The following RPS6KB1 variants were observed in gnomAD, a reference collection of about 807,000 sequenced individuals.
The protein encoded by RPS6KB1 is ribosomal protein S6 kinase beta-1.
Under a neutral mutation model 70.2 loss-of-function variants are expected in RPS6KB1, and 12 were observed. The observed-to-expected ratio is 0.17, with a 90% confidence interval of 0.11 to 0.28. The LOEUF is 0.28. Ranked by LOEUF, RPS6KB1 falls within the 10% of genes least tolerant of loss-of-function variation. The pLI is 1.00. For missense variants in RPS6KB1, 270 were observed against 646.6 expected, an observed-to-expected ratio of 0.42 and a Z score of 6.32; for synonymous variants, 175 against 211.2, an observed-to-expected ratio of 0.83 and a Z score of 1.49.
intron 1 of RPS6KB1, among the ~76,000 whole-genome samples, chr17:59,896,026 T>G (rs1266044093): frequency 1.3e-5 from 2 of 152,190 alleles, no homozygotes; most frequent in Non-Finnish European, 2.9e-5. Flanking sequence ...GAAACAAATA[T>G]GAGATTACTT....
In RPS6KB1 at chr17:59,893,408, C is replaced by T. The variant is rs1402239897; in HGVS notation, c.141+83C>T. 2.9e-6 allele frequency: 4 copies of T among 1,398,250 alleles called. No individual in the cohort carries two copies. In the African/African-American group the frequency reaches 5.7e-5, roughly 20 times the overall value. The allele number at this position is 1,398,250 out of a possible 1,614,324, so 86.6% of individuals were successfully genotyped here. A position where few individuals can be genotyped will look rare whatever the true frequency, so the allele number is the denominator to read the frequency against. On this transcript the variant is annotated intron_variant, in intron 1 of 14. Transcript: ENST00000225577. The surrounding 1 kb of genome is among the most constrained non-coding windows in gnomAD (Gnocchi z 4.1). ...TCAGGAAGCGCGGTGTGTCCTAGAG[C>T]GTGGAGACCCAGGGGGGCTCCTGAG...
chr17:59,900,978 A>G (rs528906222), intron 1 of RPS6KB1, among the ~76,000 whole-genome samples: 85 of 151,692 alleles, frequency 5.6e-4, no homozygotes, highest in African/African-American at 2.0e-3. Flanking sequence ...CCTGGCCAAC[A>G]TGGTAAAATC....
At chr17:59,929,984 A>G in intron 5 of RPS6KB1, 133 bp from the exon 6 acceptor site, 1 of 597,500 alleles carries the variant, frequency 1.7e-6, no homozygotes, top group Non-Finnish European at 3.0e-6. Context: ...TATAATTTTT[A>G]GGATCTGTTT....
At chr17:59,923,433 T>G (rs2043398862) in intron 4 of RPS6KB1, among the ~76,000 whole-genome samples, 1 of 152,154 alleles carries the variant, frequency 6.6e-6, no homozygotes, top group South Asian at 2.1e-4. Context: ...AACATGGTGA[T>G]CCGCCTGCCT....
intron 7 of RPS6KB1, among the ~76,000 whole-genome samples, chr17:59,932,563 T>TC (rs936361963): frequency 6.6e-6 from 1 of 151,036 alleles, no homozygotes; most frequent in African/African-American, 2.4e-5. Context: ...TTTTTTTTTT[T>TC]TTTTTGAGAT....
intron 1 of RPS6KB1, among the ~76,000 whole-genome samples, chr17:59,895,123 C>T (rs1256177593): frequency 2.6e-5 from 4 of 151,528 alleles, no homozygotes; most frequent in Admixed American, 6.6e-5. Context: ...TGGGTTCAAG[C>T]GATTCTCCTG....
intron 1 of RPS6KB1, among the ~76,000 whole-genome samples, chr17:59,906,646 G>A (rs908306165): frequency 4.6e-5 from 7 of 151,842 alleles, no homozygotes; most frequent in African/African-American, 1.7e-4. Context: ...ACAGGTGTGA[G>A]CCACCACACC....
chr17:59,907,826 A>T (rs1196079393), intron 1 of RPS6KB1, among the ~76,000 whole-genome samples: 1 of 151,964 alleles, frequency 6.6e-6, no homozygotes, highest in Non-Finnish European at 1.5e-5. Context: ...CGTGCCATAA[A>T]TTTTTTTCTA....
intron 7 of RPS6KB1, among the ~76,000 whole-genome samples, chr17:59,933,592 G>GT (rs1359405775): frequency 6.6e-6 from 1 of 152,134 alleles, no homozygotes; most frequent in Non-Finnish European, 1.5e-5. Flanking sequence ...GTGTAAGGTG[G>GT]TAAGTTTTTT....
Position 59,893,938 on chromosome 17 carries a change from C to CTT in RPS6KB1, c.141+624_141+625dup, listed in dbSNP as rs11427947. ...CAATCTTCCAGGGTTTGTTTGTTTG[C>CTT]TTTTTTTTTTTTACCCCCTTCCGTG... On this transcript the variant is annotated intron_variant, in intron 1 of 14. Coordinates refer to ENST00000225577, the MANE Select transcript of RPS6KB1 (RefSeq NM_003161.4). This position sits in a 1 kb window ranked among gnomAD's most constrained non-coding sequence, Gnocchi z 4.1. 1,663 of 859,684 alleles carry CTT rather than the reference C, an allele frequency of 1.9e-3. No individual in the cohort carries two copies. Among genetic ancestry groups the CTT allele is most frequent in the Middle Eastern group, 5.4e-3 (9 of 1,682 alleles). The allele number at this position is 859,684 out of a possible 1,614,324, so 53.3% of individuals were successfully genotyped here. A position where few individuals can be genotyped will look rare whatever the true frequency, so the allele number is the denominator to read the frequency against.
intron 1 of RPS6KB1, among the ~76,000 whole-genome samples, chr17:59,906,123 G>C (rs1391736710): frequency 3.9e-5 from 6 of 152,120 alleles, no homozygotes; most frequent in Non-Finnish European, 8.8e-5. Context: ...ATTGCCTCTT[G>C]CCTAATGAAT....
At position 59,893,324 on chromosome 17, in the gene RPS6KB1, G is replaced by A; in HGVS notation, c.140G>A (p.Gly47Glu). Residue 47 changes from glycine to glutamate, a missense_variant and splice_region_variant, in exon 1 of 15, where the codon GGG becomes GAG. By Grantham distance (98) the Gly-to-Glu change is moderately conservative. Coordinates refer to ENST00000225577, the MANE Select transcript of RPS6KB1 (RefSeq NM_003161.4). The surrounding 1 kb of genome is among the most constrained non-coding windows in gnomAD (Gnocchi z 4.1). The part of the protein sequence containing the change: ...DAGSEDELEE[G>E]GQLNESMDHG... ...GGCTCTGAGGATGAGCTGGAGGAGG[G>A]GGTGAGGCCCGGGGTCCCCGGGGGC... is the stretch of plus-strand genomic sequence containing the variant. The A allele has an allele frequency of 1.2e-6, 2 of 1,605,852 alleles. No individual in the cohort carries two copies. Among genetic ancestry groups the A allele is most frequent in the Non-Finnish European group, 1.7e-6 (2 of 1,176,372 alleles).
intron 1 of RPS6KB1, among the ~76,000 whole-genome samples, chr17:59,901,625 G>GAAAAAAAAAAAAAAAAA (rs58530265): frequency 1.3e-5 from 1 of 79,190 alleles, no homozygotes; most frequent in Non-Finnish European, 2.3e-5. Context: ...CCCTGTCTCT[G>GAAAAAAAAAAAAAAAAA]AAAAAAAAAA....
chr17:59,896,816 A>G (rs2041593600), intron 1 of RPS6KB1, among the ~76,000 whole-genome samples: 1 of 151,632 alleles, frequency 6.6e-6, no homozygotes, highest in Non-Finnish European at 1.5e-5. Flanking sequence ...TTAGTGTGTT[A>G]TTTTTTCTAA....
chr17:59,943,640 A>C lies in RPS6KB1; in HGVS notation c.1228-1766A>C, dbSNP rs1235399538. Among the ~76,000 whole-genome samples the C allele has an allele frequency of 2.0e-5, 3 of 152,054 alleles. No homozygotes were observed. In the East Asian group the frequency reaches 5.8e-4, roughly 29 times the overall value. On this transcript the variant is annotated intron_variant, in intron 13 of 14. Transcript: ENST00000225577. The stretch of plus-strand genomic sequence containing the variant: ...ACGCCTGTAATCCCAGCACTTTGGG[A>C]GTCTGAGGTGGGCGGATCACAAGGT...
intron 14 of RPS6KB1, 123 bp downstream of exon 14, chr17:59,945,641 G>C: frequency 1.6e-6 from 1 of 625,184 alleles, no homozygotes; most frequent in Non-Finnish European, 2.9e-6. Context: ...GTTGACATAA[G>C]CACAGCATCT....
At chr17:59,894,655 A>G (rs2041409864) in intron 1 of RPS6KB1, among the ~76,000 whole-genome samples, 3 of 152,164 alleles carry the variant, frequency 2.0e-5, no homozygotes, top group African/African-American at 7.2e-5. Context: ...CCCAGACTGG[A>G]GTGCAATGGT....
chr17:59,942,961 AGAGT>A (rs1411359681), intron 13 of RPS6KB1, among the ~76,000 whole-genome samples: 1 of 152,000 alleles, frequency 6.6e-6, no homozygotes, highest in Non-Finnish European at 1.5e-5. Context: ...CCTGAGCGAT[AGAGT>A]GAGTGAGACT....
At chr17:59,933,263 CTCTT>C (rs1308113422) in intron 7 of RPS6KB1, among the ~76,000 whole-genome samples, 2 of 150,746 alleles carry the variant, frequency 1.3e-5, no homozygotes, top group African/African-American at 4.9e-5. Flanking sequence ...GAATCAGTGT[CTCTT>C]CCTTCCTCTC....
Sources: allele counts gnomAD v4.1 joint callset (sites outside exome capture counted in the v4.1 genomes callset), GRCh38; gene constraint gnomAD v4.1.1; non-coding constraint Gnocchi (gnomAD v3.1); transcripts MANE v1.5; gene names NCBI Gene and HGNC (gene_info 2026-07-23, HGNC 2026-07-21).